The following SPATC1L variants were observed in gnomAD, a reference collection of about 807,000 sequenced individuals.
The protein encoded by SPATC1L is spermatogenesis and centriole associated 1 like.
Under a neutral mutation model 21.2 loss-of-function variants are expected in SPATC1L, and 20 were observed. The ratio of observed to expected loss-of-function variants is 0.94; its 90% CI spans 0.66 to 1.37. SPATC1L has a LOEUF of 1.37. Among genes scored for constraint, SPATC1L ranks in the 40% most tolerant of loss-of-function variants. The pLI, the probability that SPATC1L is intolerant of heterozygous loss-of-function variation, is 0.00. For missense variants in SPATC1L, 499 were observed against 478.7 expected (o/e 1.04, Z -0.40); for synonymous variants, 290 against 234.5 (o/e 1.24, Z -2.16).
Position 46,162,019 on chromosome 21 carries a change from TCG to T in SPATC1L, c.591_592del (p.Glu198AspfsTer?), listed in dbSNP as rs769753743. 6.3e-7 allele frequency: 1 copy of T among 1,598,856 alleles called. No homozygotes were observed. The highest frequency in any genetic ancestry group is 1.1e-5 in the South Asian group (1 of 89,298). On this transcript the variant is annotated frameshift_variant, in exon 4 of 5. Coordinates refer to ENST00000291672, the MANE Select transcript of SPATC1L (RefSeq NM_001142854.2). LOFTEE classifies it high-confidence loss of function. ...GCGGCGGTCCAGCTGGAAGGCGATC[TCG>T]CCCACCACGCGCGCGTCCTTCTCGG...
rs3057184 is a variant in SPATC1L, at chr21:46,162,590, C to CTTTTT, written c.545-528_545-524dup. 2.2e-3 allele frequency among the ~76,000 whole-genome samples: 293 copies of CTTTTT among 133,402 alleles called. 79 individuals are homozygous for CTTTTT. Among genetic ancestry groups the CTTTTT allele is most frequent in the Middle Eastern group, 8.1e-3 (2 of 246 alleles). The allele number at this position is 133,402 out of a possible 152,430, so 87.5% of individuals were successfully genotyped here. ...GAAAAGGACCGCTGGGTTGGCAGGA[C>CTTTTT]TTTTTTTTTTTTCTTAGACAGAGTC... On this transcript the variant is annotated intron_variant, in intron 3 of 4. Coordinates refer to ENST00000291672, the MANE Select transcript of SPATC1L (RefSeq NM_001142854.2).
At chr21:46,168,817 C>T (rs1021971391) in intron 2 of SPATC1L, among the ~76,000 whole-genome samples, 159 bp from the exon 3 acceptor site, 3 of 152,128 alleles carry the variant, frequency 2.0e-5, no homozygotes, top group African/African-American at 2.4e-5. Flanking sequence ...CCCCTCAGGC[C>T]TCAAGTGTAA....
In SPATC1L at chr21:46,168,481, T is replaced by G. The variant is rs577937678; in HGVS notation, c.371A>C (p.His124Pro). The change falls in exon 3 of 5, where the codon CAT (histidine) becomes CCT (proline). Residue 124 changes from histidine (H) to proline (P), a missense_variant. Physicochemically the swap from His to Pro is moderately conservative, Grantham distance 77. Coordinates refer to ENST00000291672, the MANE Select transcript of SPATC1L (RefSeq NM_001142854.2). ...CTTCCTGTCGGTGCCTCGGTGGCTA[T>G]GTGGCTCTGGGGGACTGAGGAAGGC... The part of the protein sequence containing the change: ...FKAFLSPPEP[H>P]SHRGTDRKLS... 1 of 1,574,388 alleles carries G rather than the reference T, an allele frequency of 6.4e-7. No homozygotes were observed. The highest frequency in any genetic ancestry group is 2.4e-5 in the East Asian group (1 of 42,302).
At chr21:46,182,576 C>T in intron 2 of SPATC1L, 48 bp downstream of exon 2, 1 of 1,417,890 alleles carries the variant, frequency 7.1e-7, no homozygotes, top group African/African-American at 1.5e-5. Flanking sequence ...AGCAGGCGTC[C>T]CGCGACCCCC....
At chr21:46,164,180 G>A (rs1034366715) in intron 3 of SPATC1L, among the ~76,000 whole-genome samples, 2 of 152,018 alleles carry the variant, frequency 1.3e-5, no homozygotes, top group Non-Finnish European at 2.9e-5. Flanking sequence ...GCTAACTTGG[G>A]TGGTGGGGGG....
intron 2 of SPATC1L, among the ~76,000 whole-genome samples, chr21:46,178,124 T>G (rs2079645423): frequency 6.8e-6 from 1 of 147,346 alleles, no homozygotes; most frequent in Non-Finnish European, 1.5e-5. Flanking sequence ...CCCAGCTACT[T>G]GGGAGGCTGA....
At chr21:46,166,832 G>A (rs1383260750) in intron 3 of SPATC1L, among the ~76,000 whole-genome samples, 1 of 152,182 alleles carries the variant, frequency 6.6e-6, no homozygotes, top group African/African-American at 2.4e-5. Context: ...ATAGTAACTG[G>A]AGACTTCAAT....
At position 46,161,951 on chromosome 21, in the gene SPATC1L, A is replaced by G. The variant is rs1486494958; in HGVS notation, c.661T>C (p.Phe221Leu). The G allele has an allele frequency of 1.2e-6, 2 of 1,608,008 alleles. No homozygotes were observed. The highest frequency in any genetic ancestry group is 1.7e-6 in the Non-Finnish European group (2 of 1,179,364). Residue 221 changes from phenylalanine to leucine, a missense_variant, in exon 4 of 5, where the codon TTC becomes CTC. Physicochemically the swap from Phe to Leu is conservative, Grantham distance 22 (BLOSUM62 0). Transcript: ENST00000291672. ...VFPGVTRLYG[F>L]TVANIPEKIE... ...TTCTCGGGGATGTTGGCCACCGTGA[A>G]GCCGTAGAGCCGCGTCACGCCCGGG...
At chr21:46,161,879 C>G (rs779539852) in intron 4 of SPATC1L, 37 bp downstream of exon 4, 1 of 1,594,958 alleles carries the variant, frequency 6.3e-7, no homozygotes, top group Non-Finnish European at 8.5e-7. Context: ...CCGAGCGCCC[C>G]GCACCCTCCT....
At chr21:46,174,332 C>CAAA (rs66721282) in intron 2 of SPATC1L, among the ~76,000 whole-genome samples, 3 of 34,242 alleles carry the variant, frequency 8.8e-5, no homozygotes, top group South Asian at 1.1e-3. Flanking sequence ...GACTCTGTCT[C>CAAA]AAAAAACAAA....
At chr21:46,181,895 C>T (rs145407294) in intron 2 of SPATC1L, among the ~76,000 whole-genome samples, 30 of 152,350 alleles carry the variant, frequency 2.0e-4, no homozygotes, top group African/African-American at 7.2e-4. Context: ...CAGCCCCACC[C>T]CAAATCACAT....
At chr21:46,167,037 CT>C (rs1303637593) in intron 3 of SPATC1L, among the ~76,000 whole-genome samples, 1 of 152,086 alleles carries the variant, frequency 6.6e-6, no homozygotes, top group East Asian at 1.9e-4. Context: ...CAAAACAAGT[CT>C]TTAAAAATCA....
At chr21:46,180,808 C>T (rs544641324) in intron 2 of SPATC1L, among the ~76,000 whole-genome samples, 27 of 152,144 alleles carry the variant, frequency 1.8e-4, no homozygotes, top group Non-Finnish European at 3.4e-4. Flanking sequence ...CTGCCCCACA[C>T]CCTGTGGCGG....
intron 3 of SPATC1L, among the ~76,000 whole-genome samples, chr21:46,166,753 A>G (rs978200661): frequency 6.6e-6 from 1 of 152,242 alleles, no homozygotes; most frequent in African/African-American, 2.4e-5. Context: ...ATATGCACCC[A>G]ACACTGGAGC....
chr21:46,177,411 C>T (rs56350296), intron 2 of SPATC1L, among the ~76,000 whole-genome samples: 13,653 of 151,990 alleles, frequency 0.09, 745 homozygotes, highest in African/African-American at 0.13. Context: ...AAGAAATCTA[C>T]AAGAAAAAAA....
At chr21:46,167,232 T>C (rs1412759978) in intron 3 of SPATC1L, among the ~76,000 whole-genome samples, 1 of 152,102 alleles carries the variant, frequency 6.6e-6, no homozygotes, top group Non-Finnish European at 1.5e-5. Flanking sequence ...CAAATGATAA[T>C]GGAAACACAA....
At chr21:46,184,287 CTCAG>C (rs532802380) in intron 1 of SPATC1L, 65 bp downstream of exon 1, 63 of 154,254 alleles carry the variant, frequency 4.1e-4, no homozygotes, top group Non-Finnish European at 5.4e-4. Context: ...GGCGTCTGTC[CTCAG>C]TCAGTGCGAC....
Position 46,182,611 on chromosome 21 carries a change from G to C in SPATC1L, c.193+13C>G, listed in dbSNP as rs1214566392. 6.8e-7 allele frequency: 1 copy of C among 1,468,866 alleles called. No homozygotes were observed. The highest frequency in any genetic ancestry group is 9.0e-7 in the Non-Finnish European group (1 of 1,110,512). The allele number at this position is 1,468,866 out of a possible 1,614,324, so 91.0% of individuals were successfully genotyped here. On this transcript the variant is annotated intron_variant, in intron 2 of 4. Coordinates refer to ENST00000291672, the MANE Select transcript of SPATC1L (RefSeq NM_001142854.2). ...CTCATCTACCAGGCCATCTGAGCTGGGCGGCGCCTCACCTCCGCTCCCGGG... is the reference window on the plus strand; with the variant it reads ...CTCATCTACCAGGCCATCTGAGCTGCGCGGCGCCTCACCTCCGCTCCCGGG...
intron 2 of SPATC1L, among the ~76,000 whole-genome samples, chr21:46,174,318 G>A (rs1227293147): frequency 3.7e-5 from 5 of 133,628 alleles, no homozygotes; most frequent in African/African-American, 1.2e-4. Flanking sequence ...GGGAGACAGA[G>A]CAAGACTCTG....
Sources: gnomAD v4.1 joint callset for allele counts (sites outside exome capture counted in the v4.1 genomes callset) on GRCh38, gnomAD v4.1.1 for gene constraint, MANE v1.5 for transcripts, NCBI Gene and HGNC (gene_info 2026-07-23, HGNC 2026-07-21) for gene names.